CSNK1G1: variants seen among roughly 807,000 people sequenced by gnomAD.
CSNK1G1 encodes casein kinase I isoform gamma-1.
CSNK1G1 carries 22 observed loss-of-function variants against 59.6 expected under a neutral mutation model. The observed-to-expected ratio is 0.37, with a 90% CI of 0.26 to 0.53. The LOEUF (loss-of-function observed/expected upper bound fraction) is 0.53, where lower values mean the gene tolerates loss of function less well. Among genes scored for constraint, CSNK1G1 ranks in the 20% least tolerant of loss-of-function variants. CSNK1G1 has a pLI of 0.89. For synonymous variants in CSNK1G1, 179 were observed against 177.1 expected (o/e 1.01, Z -0.08); for missense variants, 384 against 519.5 (o/e 0.74, Z 2.54).
chr15:64,195,940 T>C (rs1042245219), intron 10 of CSNK1G1, among the ~76,000 whole-genome samples: 2 of 152,192 alleles, frequency 1.3e-5, no homozygotes, highest in African/African-American at 2.4e-5. Flanking sequence ...TTCAAAAAAA[T>C]TGTGCTTGGC....
At chr15:64,222,741 A>G (rs2082407607) in intron 4 of CSNK1G1, among the ~76,000 whole-genome samples, 1 of 152,112 alleles carries the variant, frequency 6.6e-6, no homozygotes. Flanking sequence ...CAGAATTTCT[A>G]GGAGTGGAAG....
At chr15:64,272,505 C>G (rs1190222427) in intron 2 of CSNK1G1, among the ~76,000 whole-genome samples, 2 of 151,952 alleles carry the variant, frequency 1.3e-5, no homozygotes, top group Non-Finnish European at 2.9e-5. Context: ...GTGTGAGACA[C>G]CACGCCCGGC....
chr15:64,208,843 T>G (rs2082215283), intron 6 of CSNK1G1, among the ~76,000 whole-genome samples: 1 of 152,080 alleles, frequency 6.6e-6, no homozygotes, highest in Non-Finnish European at 1.5e-5. Context: ...GTCCATGCAT[T>G]CATTTTGAAT....
intron 2 of CSNK1G1, among the ~76,000 whole-genome samples, chr15:64,270,759 CAA>C (rs746403335): frequency 1.9e-5 from 2 of 103,342 alleles, no homozygotes. Flanking sequence ...GACTCCGTCT[CAA>C]AAAAAAAAAA....
At chr15:64,353,441 T>C (rs1898430352) in intron 1 of CSNK1G1, among the ~76,000 whole-genome samples, 2 of 151,654 alleles carry the variant, frequency 1.3e-5, no homozygotes, top group South Asian at 2.1e-4. Context: ...GGTCAGGAGA[T>C]AGACACCATC....
intron 4 of CSNK1G1, among the ~76,000 whole-genome samples, chr15:64,225,254 C>T (rs570017640): frequency 6.6e-6 from 1 of 152,162 alleles, no homozygotes; most frequent in South Asian, 2.1e-4. Flanking sequence ...AGTGGTCCAC[C>T]TGCCTCTGAG....
intron 1 of CSNK1G1, among the ~76,000 whole-genome samples, chr15:64,313,791 G>GAA (rs762887326): frequency 4.9e-5 from 4 of 81,966 alleles, no homozygotes; most frequent in African/African-American, 1.3e-4. Flanking sequence ...CCTGCTGGGA[G>GAA]AAAAAAAAAA....
In CSNK1G1 at chr15:64,287,441, T is replaced by C. The variant is rs186382807; in HGVS notation, c.181+12878A>G. Among the ~76,000 whole-genome samples, 22 of 152,306 alleles carry C rather than the reference T, an allele frequency of 1.4e-4. No homozygotes were observed. In the East Asian group the frequency reaches 4.0e-3, roughly 28 times the overall value. ...CTAATCTAGTTGTCAAATCTAAAAT[T>C]GTACAGTAGAACTGGTTTGTGAACC... On this transcript the variant is annotated intron_variant, in intron 2 of 11. Transcript: ENST00000303052.
intron 2 of CSNK1G1, among the ~76,000 whole-genome samples, chr15:64,280,153 T>C (rs1355709287): frequency 6.6e-6 from 1 of 152,170 alleles, no homozygotes; most frequent in East Asian, 1.9e-4. Context: ...AGTACACGTA[T>C]ATACGCGCGC....
chr15:64,235,779 A>G lies in CSNK1G1; in HGVS notation c.292+15733T>C, dbSNP rs2082606122. 2.0e-5 allele frequency among the ~76,000 whole-genome samples: 3 copies of G among 152,222 alleles called. No individual in the cohort carries two copies. The South Asian group carries it at 6.2e-4, about 31-fold the overall frequency. On this transcript the variant is annotated intron_variant, in intron 4 of 11. Coordinates refer to ENST00000303052, the MANE Select transcript of CSNK1G1 (RefSeq NM_022048.5). ...CTCCGAGGTGACTGAGAAAGATTCA[A>G]ACACTGAACTCATTTGTATTGTATA...
intron 10 of CSNK1G1, among the ~76,000 whole-genome samples, chr15:64,199,761 G>A (rs1188408999): frequency 6.6e-6 from 1 of 152,088 alleles, no homozygotes; most frequent in Non-Finnish European, 1.5e-5. Context: ...GCTGAGGCAG[G>A]AGAGTTGCTC....
chr15:64,263,158 G>T (rs889430659), intron 2 of CSNK1G1, among the ~76,000 whole-genome samples: 2 of 150,266 alleles, frequency 1.3e-5, no homozygotes, highest in African/African-American at 4.9e-5. Context: ...AAGAAGTCTT[G>T]AGGAGTCTCA....
intron 4 of CSNK1G1, among the ~76,000 whole-genome samples, chr15:64,222,963 C>A (rs1341125593): frequency 6.6e-6 from 1 of 152,164 alleles, no homozygotes; most frequent in Non-Finnish European, 1.5e-5. Context: ...AAAAAGATTT[C>A]TCTGTTTAAA....
chr15:64,266,097 T>C (rs532682685), intron 2 of CSNK1G1, among the ~76,000 whole-genome samples: 2 of 151,778 alleles, frequency 1.3e-5, no homozygotes, highest in South Asian at 2.1e-4. Context: ...AGAGTCTCGC[T>C]CTGTTGCCAG....
chr15:64,245,290 A>C (rs1891691231), intron 4 of CSNK1G1, among the ~76,000 whole-genome samples: 1 of 152,236 alleles, frequency 6.6e-6, no homozygotes. Context: ...CAGCAAAGGA[A>C]ACAACTGAGT....
In CSNK1G1 at chr15:64,171,775, C is replaced by G. The variant is rs925356080; in HGVS notation, c.*156G>C. The stretch of plus-strand genomic sequence containing the variant: ...CAATGACCCACTAGGCCCTGGCTGC[C>G]CGCACTGGCCCCTTCTGGGGGCATC... On this transcript the variant is annotated 3_prime_UTR_variant, in exon 12 of 12. Coordinates refer to ENST00000303052, the MANE Select transcript of CSNK1G1 (RefSeq NM_022048.5). The surrounding 1 kb of genome is among the most constrained non-coding windows in gnomAD (Gnocchi z 4.8). 2.9e-6 allele frequency: 2 copies of G among 692,200 alleles called. No homozygotes were observed. Among genetic ancestry groups the G allele is most frequent in the African/African-American group, 3.6e-5 (2 of 56,042 alleles). The allele number at this position is 692,200 out of a possible 1,614,324, so 42.9% of individuals were successfully genotyped here.
chr15:64,203,912 G>C (rs1227968752), intron 9 of CSNK1G1, among the ~76,000 whole-genome samples: 1 of 151,966 alleles, frequency 6.6e-6, no homozygotes, highest in Non-Finnish European at 1.5e-5. Context: ...GGAGGCCAAG[G>C]AGGGCAGATC....
intron 4 of CSNK1G1, among the ~76,000 whole-genome samples, chr15:64,217,262 T>C (rs1389269811): frequency 2.0e-5 from 3 of 152,184 alleles, no homozygotes; most frequent in Non-Finnish European, 2.9e-5. Flanking sequence ...GGAGTCTCTA[T>C]AGTTTTTTGT....
chr15:64,207,701 CT>C, intron 6 of CSNK1G1, 107 bp from the exon 7 acceptor site: 1 of 756,846 alleles, frequency 1.3e-6, no homozygotes, highest in Non-Finnish European at 2.3e-6. Context: ...AAAGGCTCTG[CT>C]TACTAATTAC....
Sources: allele counts gnomAD v4.1 joint callset (sites outside exome capture counted in the v4.1 genomes callset), GRCh38; gene constraint gnomAD v4.1.1; non-coding constraint Gnocchi (gnomAD v3.1); transcripts MANE v1.5; gene names NCBI Gene and HGNC (gene_info 2026-07-23, HGNC 2026-07-21).